Variants in C6orf89 observed in about 807,000 individuals in gnomAD.
The protein encoded by C6orf89 is chromosome 6 open reading frame 89.
Under a neutral mutation model 40.7 loss-of-function variants are expected in C6orf89, and 29 were observed. That is an observed-to-expected ratio of 0.71 (90% CI 0.53 to 0.97). C6orf89 has a LOEUF of 0.97. C6orf89 is among the 50% of genes least tolerant of loss of function. The probability of loss-of-function intolerance (pLI) is 0.00; values close to 1 mark genes in which losing one functional copy is unlikely to be tolerated. For synonymous variants in C6orf89, 165 were observed against 152.2 expected, an observed-to-expected ratio of 1.08 and a Z score of -0.62; for missense variants, 392 against 429.1, an observed-to-expected ratio of 0.91 and a Z score of 0.76.
intron 4 of C6orf89, among the ~76,000 whole-genome samples, chr6:36,908,263 C>T (rs962523346): frequency 1.3e-5 from 2 of 150,230 alleles, no homozygotes; most frequent in Admixed American, 6.6e-5. Context: ...TCCTTCTTTG[C>T]GGGCCACCAG....
At position 36,902,324 on chromosome 6, in the gene C6orf89, G is replaced by T; in HGVS notation, c.293G>T (p.Arg98Leu). Residue 98 changes from arginine (R) to leucine (L), a missense_variant, in exon 4 of 9, where the codon CGC becomes CTC. Physicochemically the swap from Arg to Leu is moderately radical, Grantham distance 102 (BLOSUM62 -2). Coordinates refer to ENST00000480824, the MANE Select transcript of C6orf89 (RefSeq NM_001286635.2). The part of the protein sequence containing the change: ...EPVLSGAHTW[R>L]SLIHHIRLMS... ...GTGCTTTCTGGAGCTCACACCTGGC[G>T]CTCACTCATCCATCACATTAGGCTG... 6.2e-7 allele frequency: 1 copy of T among 1,614,098 alleles called. No homozygotes were observed. The highest frequency in any genetic ancestry group is 8.5e-7 in the Non-Finnish European group (1 of 1,180,012).
intron 2 of C6orf89, among the ~76,000 whole-genome samples, chr6:36,896,166 G>A (rs141180094): frequency 2.6e-5 from 4 of 152,136 alleles, no homozygotes; most frequent in African/African-American, 9.7e-5. Flanking sequence ...GGAGTGCAGT[G>A]GTGTAATCTT....
In C6orf89 at chr6:36,886,016, G is replaced by A. The variant is rs1233688329; in HGVS notation, c.-132G>A. 1.6e-6 allele frequency: 2 copies of A among 1,250,974 alleles called. No individual in the cohort carries two copies. The highest frequency in any genetic ancestry group is 2.9e-5 in the South Asian group (1 of 33,902). The allele number at this position is 1,250,974 out of a possible 1,614,324, so 77.5% of individuals were successfully genotyped here. ...CCGAGGCGGGAGGAGCCCGAGGGGC[G>A]CGAGCCCCGCATGTGAGTGACTGGG... On this transcript the variant is annotated 5_prime_UTR_variant, in exon 1 of 9. Coordinates refer to ENST00000480824, the MANE Select transcript of C6orf89 (RefSeq NM_001286635.2).
rs1762245608 is a variant in C6orf89 at position 36,914,543 on chromosome 6, G to T, written c.556-11G>T. On this transcript the variant is annotated splice_polypyrimidine_tract_variant and intron_variant, in intron 5 of 8. Transcript: ENST00000480824. The stretch of plus-strand genomic sequence containing the variant: ...TCTGTGTTGTTTTGTTTTGTTTCCT[G>T]CCTTGCCAAGACGGGAAAGCCCCTG... 1.9e-6 allele frequency: 3 copies of T among 1,613,730 alleles called. No individual in the cohort carries two copies. Among genetic ancestry groups the T allele is most frequent in the Non-Finnish European group, 2.5e-6 (3 of 1,179,730 alleles).
upstream of C6orf89, among the ~76,000 whole-genome samples, chr6:36,884,535 A>G (rs1774909263): frequency 6.6e-6 from 1 of 152,178 alleles, no homozygotes; most frequent in Admixed American, 6.5e-5. The surrounding 1 kb of genome is among the most constrained non-coding windows in gnomAD (Gnocchi z 4.0). Flanking sequence ...ATCTCTTTTC[A>G]ACTGGAATAA....
At chr6:36,900,954 C>T (rs1761660149) in intron 3 of C6orf89, among the ~76,000 whole-genome samples, 2 of 152,098 alleles carry the variant, frequency 1.3e-5, no homozygotes, top group Admixed American at 6.5e-5. Flanking sequence ...TCAAGCAATT[C>T]TCCTGCCTCA....
In C6orf89 at chr6:36,914,604, C is replaced by G; in HGVS notation, c.606C>G (p.Tyr202Ter). The G allele has an allele frequency of 6.2e-7, 1 of 1,614,196 alleles. No homozygotes were observed. Among genetic ancestry groups the G allele is most frequent in the Non-Finnish European group, 8.5e-7 (1 of 1,180,028 alleles). The change falls in exon 6 of 9, where the codon TAC becomes TAG. Residue 202 changes from tyrosine (Y) to a stop codon, truncating the protein, a stop_gained. Coordinates refer to ENST00000480824, the MANE Select transcript of C6orf89 (RefSeq NM_001286635.2). LOFTEE classifies it high-confidence loss of function. ...AGATTCAGCATTTTTTGTGCCAGTA[C>G]CCTGAGGCGACAGAAGGCTTCTCTG... ...EEEIQHFLCQYPEATEGFSEG... is the reference protein window; with the variant it reads ...EEEIQHFLCQ
chr6:36,909,450 C>A (rs1213939579), intron 4 of C6orf89, among the ~76,000 whole-genome samples: 1 of 152,074 alleles, frequency 6.6e-6, no homozygotes, highest in East Asian at 1.9e-4. Context: ...AATAGTATCT[C>A]ATTTCAAGTT....
At chr6:36,908,187 C>G (rs1761994064) in intron 4 of C6orf89, among the ~76,000 whole-genome samples, 1 of 152,182 alleles carries the variant, frequency 6.6e-6, no homozygotes, top group Non-Finnish European at 1.5e-5. Context: ...AGTTTGGGCT[C>G]CCTTAGTTCA....
At chr6:36,882,429 T>C (rs1774838435), upstream of C6orf89, among the ~76,000 whole-genome samples, 1 of 152,228 alleles carries the variant, frequency 6.6e-6, no homozygotes, top group Non-Finnish European at 1.5e-5. Flanking sequence ...AAACAACTGG[T>C]ATTCAAGAGG....
chr6:36,917,622 T>C (rs1358910353), intron 7 of C6orf89, among the ~76,000 whole-genome samples: 2 of 152,208 alleles, frequency 1.3e-5, no homozygotes, highest in African/African-American at 4.8e-5. Flanking sequence ...TGAATTGTGT[T>C]AAAGGAATTT....
chr6:36,897,877 A>G (rs1019096769), intron 2 of C6orf89, among the ~76,000 whole-genome samples: 5 of 152,162 alleles, frequency 3.3e-5, no homozygotes, highest in African/African-American at 1.2e-4. Flanking sequence ...GTACTATGTC[A>G]GTACTTTTTG....
intron 8 of C6orf89, among the ~76,000 whole-genome samples, chr6:36,921,775 C>T (rs1762518104): frequency 6.6e-6 from 1 of 152,216 alleles, no homozygotes. Flanking sequence ...CACCTATAAT[C>T]CCAGCACTTT....
chr6:36,903,845 G>C (rs1261208280), intron 4 of C6orf89, among the ~76,000 whole-genome samples: 3 of 151,830 alleles, frequency 2.0e-5, no homozygotes, highest in Non-Finnish European at 2.9e-5. Flanking sequence ...CACCTCAGGA[G>C]TTTTTGTTTT....
intron 2 of C6orf89, among the ~76,000 whole-genome samples, chr6:36,880,496 A>C (rs985734251): frequency 1.3e-5 from 2 of 150,296 alleles, no homozygotes; most frequent in African/African-American, 4.9e-5. Flanking sequence ...AAAAATAAGC[A>C]CTTAAATATT....
upstream of C6orf89, chr6:36,883,104 G>C (rs1774870460): frequency 6.6e-6 from 1 of 152,174 alleles, no homozygotes; most frequent in South Asian, 2.1e-4. Context: ...TAGGGCTGAT[G>C]TTATAACAGT....
intron 4 of C6orf89, among the ~76,000 whole-genome samples, chr6:36,913,325 C>G (rs555571163): frequency 2.0e-5 from 3 of 152,184 alleles, no homozygotes; most frequent in African/African-American, 4.8e-5. Context: ...GCCCCACCCC[C>G]TCCTGAGCTG....
intron 4 of C6orf89, 93 bp from the exon 5 acceptor site, chr6:36,914,191 T>G: frequency 2.7e-6 from 3 of 1,129,064 alleles, no homozygotes; most frequent in Non-Finnish European, 3.8e-6. Context: ...GTCATTATGA[T>G]GTCTTTCCTT....
intron 4 of C6orf89, among the ~76,000 whole-genome samples, chr6:36,911,317 C>G (rs1762116545): frequency 6.6e-6 from 1 of 152,090 alleles, no homozygotes; most frequent in South Asian, 2.1e-4. Flanking sequence ...TGGTGAAACC[C>G]TGTCTCTACT....
Sources: allele counts gnomAD v4.1 joint callset (sites outside exome capture counted in the v4.1 genomes callset), GRCh38; gene constraint gnomAD v4.1.1; non-coding constraint Gnocchi (gnomAD v3.1); transcripts MANE v1.5; gene names NCBI Gene and HGNC (gene_info 2026-07-23, HGNC 2026-07-21).